The following FAM91A1 variants were observed in gnomAD, a reference collection of about 807,000 sequenced individuals.
FAM91A1 encodes protein FAM91A1.
A neutral mutation model predicts 113.5 loss-of-function variants in FAM91A1; 41 were observed. The observed-to-expected ratio is 0.36, with a 90% CI of 0.28 to 0.47. FAM91A1 has a LOEUF of 0.47. Among genes scored for constraint, FAM91A1 ranks in the 20% least tolerant of loss-of-function variants. The probability of loss-of-function intolerance (pLI) is 1.00; values close to 1 mark genes in which losing one functional copy is unlikely to be tolerated. For synonymous variants in FAM91A1, 307 were observed against 347.9 expected (o/e 0.88, Z 1.31); for missense variants, 696 against 1,001.2 (o/e 0.70, Z 4.11).
In FAM91A1 at chr8:123,777,337, G is replaced by A. The variant is rs190754516; in HGVS notation, c.367+15G>A. On this transcript the variant is annotated intron_variant, in intron 4 of 23. Transcript: ENST00000334705. ...TGCTGCTGACTGTAAGTATTTAATT[G>A]TGCTGAAGAAGGTAATGTTTAGGTT... The A allele has an allele frequency of 8.0e-5, 129 of 1,608,060 alleles. 2 individuals are homozygous for A. The South Asian group carries it at 1.3e-3, about 16-fold the overall frequency.
chr8:123,809,722 A>G (rs917218359), intron 22 of FAM91A1, among the ~76,000 whole-genome samples: 6 of 152,236 alleles, frequency 3.9e-5, no homozygotes, highest in Admixed American at 2.0e-4. Context: ...TGTAGCTTTT[A>G]TCAGAAAATG....
At chr8:123,811,614 T>C (rs1815957155) in intron 23 of FAM91A1, among the ~76,000 whole-genome samples, 1 of 151,970 alleles carries the variant, frequency 6.6e-6, no homozygotes, top group South Asian at 2.1e-4. Context: ...TCATGAATGA[T>C]TCTTATGTTT....
At chr8:123,810,218 T>TA in intron 22 of FAM91A1, 64 bp from the exon 23 acceptor site, 3 of 1,501,522 alleles carry the variant, frequency 2.0e-6, no homozygotes, top group Non-Finnish European at 1.8e-6. Flanking sequence ...ATTAAACTCT[T>TA]ATGAGAAACT....
intron 12 of FAM91A1, among the ~76,000 whole-genome samples, chr8:123,787,045 C>T (rs1240544377): frequency 6.6e-6 from 1 of 152,192 alleles, no homozygotes; most frequent in Non-Finnish European, 1.5e-5. Context: ...CAAAGGGAAA[C>T]ACAGCATAGT....
chr8:123,798,682 A>AAT (rs1554602906), intron 16 of FAM91A1, among the ~76,000 whole-genome samples: 6 of 152,236 alleles, frequency 3.9e-5, no homozygotes, highest in Admixed American at 1.3e-4. Flanking sequence ...TTACTTAAAA[A>AAT]ATATATATAT....
In FAM91A1 at chr8:123,787,306, C is replaced by T. The variant is rs746243254; in HGVS notation, c.1124C>T (p.Thr375Met). ...VSSLSLSTGH[T>M]KRIAFLFDST... ...AGCCTGAGTCTGTCTACAGGACACACGAAGCGCATCGCATTCCTGTTTGAC... is the reference window on the plus strand; with the variant it reads ...AGCCTGAGTCTGTCTACAGGACACATGAAGCGCATCGCATTCCTGTTTGAC... The change falls in exon 13 of 24, where the codon ACG becomes ATG. Residue 375 changes from threonine to methionine, a missense_variant. Physicochemically the swap from Thr to Met is moderately conservative, Grantham distance 81 (BLOSUM62 -1). Coordinates refer to ENST00000334705, the MANE Select transcript of FAM91A1 (RefSeq NM_144963.4). 1.7e-5 allele frequency: 27 copies of T among 1,611,720 alleles called. No individual in the cohort carries two copies. The East Asian group carries it at 2.9e-4, about 17-fold the overall frequency.
At chr8:123,785,916 C>G in intron 11 of FAM91A1, 175 bp downstream of exon 11, 1 of 490,158 alleles carries the variant, frequency 2.0e-6, no homozygotes, top group African/African-American at 2.0e-5. Flanking sequence ...CTCCCCGTTT[C>G]AAGCGATTTT....
intron 15 of FAM91A1, among the ~76,000 whole-genome samples, chr8:123,797,066 A>G (rs1219349812): frequency 6.6e-6 from 1 of 152,024 alleles, no homozygotes; most frequent in Non-Finnish European, 1.5e-5. Context: ...TCTCAAAAAA[A>G]TAAATAAATA....
intron 13 of FAM91A1, 83 bp from the exon 14 acceptor site, chr8:123,787,581 G>C (rs1815289648): frequency 8.4e-7 from 1 of 1,188,018 alleles, no homozygotes; most frequent in East Asian, 2.6e-5. Flanking sequence ...AAATATATTT[G>C]AAAGGATAAT....
In FAM91A1 at chr8:123,810,315, C is replaced by G; in HGVS notation, c.2295C>G (p.Leu765=). Residue 765 remains leucine (L), a synonymous_variant, in exon 23 of 24, where the codon CTC becomes CTG. Coordinates refer to ENST00000334705, the MANE Select transcript of FAM91A1 (RefSeq NM_144963.4). ...LQNLLHSSRK[L]SLQVLNFVHS... ...ACCTCTTACATTCCAGTAGAAAACT[C>G]TCTCTGCAAGTCCTTAACTTTGTTC... is the stretch of plus-strand genomic sequence containing the variant. 1.2e-6 allele frequency: 2 copies of G among 1,612,232 alleles called. No homozygotes were observed. The highest frequency in any genetic ancestry group is 1.7e-6 in the Non-Finnish European group (2 of 1,179,400).
chr8:123,794,165 C>T (rs953031728), intron 15 of FAM91A1, among the ~76,000 whole-genome samples: 14 of 152,194 alleles, frequency 9.2e-5, no homozygotes, highest in Non-Finnish European at 1.3e-4. Context: ...ATGAATTGCA[C>T]AGGTCCACTT....
chr8:123,785,629 A>G lies in FAM91A1; in HGVS notation c.850A>G (p.Asn284Asp). 1 of 1,590,576 alleles carries G rather than the reference A, an allele frequency of 6.3e-7. No individual in the cohort carries two copies. The highest frequency in any genetic ancestry group is 2.2e-5 in the East Asian group (1 of 44,668). Residue 284 changes from asparagine to aspartate, a missense_variant and splice_region_variant, in exon 11 of 24, where the codon AAT becomes GAT. Coordinates refer to ENST00000334705, the MANE Select transcript of FAM91A1 (RefSeq NM_144963.4). ...VLEIDLSLVK[N>D]AVSMYCRLGF... ...TTAGTTTCCTTTATATTCCTTTCAG[A>G]ATGCTGTTTCAATGTATTGCCGATT...
In FAM91A1 at chr8:123,768,497, G is replaced by T. The variant is rs369021625; in HGVS notation, c.-206G>T. Reference sequence around the variant, plus strand: ...AACTTGGAGCTGTTCAGGCGATCCAGCCTCCAATCGCTGCTGCTCTTGTAC... The same window carrying T: ...AACTTGGAGCTGTTCAGGCGATCCATCCTCCAATCGCTGCTGCTCTTGTAC... On this transcript the variant is annotated 5_prime_UTR_variant, in exon 1 of 24. Coordinates refer to ENST00000334705, the MANE Select transcript of FAM91A1 (RefSeq NM_144963.4). 8.1e-5 allele frequency: 40 copies of T among 492,586 alleles called. No homozygotes were observed. The highest frequency in any genetic ancestry group is 1.1e-3 in the Middle Eastern group (2 of 1,890). The allele number at this position is 492,586 out of a possible 1,614,324, so 30.5% of individuals were successfully genotyped here. A position where few individuals can be genotyped will look rare whatever the true frequency, so the allele number is the denominator to read the frequency against.
At chr8:123,809,101 A>G in intron 22 of FAM91A1, 85 bp downstream of exon 22, 1 of 1,536,386 alleles carries the variant, frequency 6.5e-7, no homozygotes, top group Non-Finnish European at 8.8e-7. Context: ...TTTATTCCAC[A>G]CATGAGCACA....
At chr8:123,779,718 T>A (rs1487079961) in intron 6 of FAM91A1, among the ~76,000 whole-genome samples, 1 of 152,242 alleles carries the variant, frequency 6.6e-6, no homozygotes, top group East Asian at 1.9e-4. Flanking sequence ...TAATTCCAAT[T>A]CAATCACAAG....
chr8:123,789,484 C>T (rs1395361529), intron 14 of FAM91A1, 129 bp from the exon 15 acceptor site: 12 of 1,305,408 alleles, frequency 9.2e-6, no homozygotes, highest in African/African-American at 1.5e-5. Context: ...TAACTTGTTT[C>T]GGTATTGCCT....
intron 1 of FAM91A1, among the ~76,000 whole-genome samples, chr8:123,769,709 A>G (rs1021839001): frequency 6.7e-6 from 1 of 148,454 alleles, no homozygotes; most frequent in Admixed American, 6.6e-5. Context: ...ACATTTTACT[A>G]AAGAAAGACG....
chr8:123,772,714 A>G (rs1586366026), intron 1 of FAM91A1, among the ~76,000 whole-genome samples: 2 of 152,188 alleles, frequency 1.3e-5, no homozygotes, highest in Admixed American at 6.5e-5. Context: ...CTAATAGCCT[A>G]TAACTGTTGA....
chr8:123,770,437 C>T (rs187565805), intron 1 of FAM91A1, among the ~76,000 whole-genome samples: 2 of 152,118 alleles, frequency 1.3e-5, no homozygotes, highest in South Asian at 2.1e-4. Context: ...AGTGGCTGCC[C>T]GTGTGGCATT....
Sources: allele counts gnomAD v4.1 joint callset (sites outside exome capture counted in the v4.1 genomes callset), GRCh38; gene constraint gnomAD v4.1.1; transcripts MANE v1.5; gene names NCBI Gene and HGNC (gene_info 2026-07-23, HGNC 2026-07-21).